SORCS1: variants seen among roughly 807,000 people sequenced by gnomAD.
SORCS1 encodes the protein sortilin related VPS10 domain containing receptor 1.
In SORCS1, 60 loss-of-function variants were observed where a neutral mutation model predicts 146.1. The observed-to-expected ratio is 0.41, with a 90% CI of 0.33 to 0.51. SORCS1 has a LOEUF of 0.51. Ranked by LOEUF, SORCS1 falls within the 20% of genes least tolerant of loss-of-function variation. SORCS1 has a pLI of 0.21. For synonymous variants in SORCS1, 637 were observed against 584.0 expected (o/e 1.09, Z -1.31); for missense variants, 1,352 against 1,487.6 (o/e 0.91, Z 1.50).
chr10:106,655,639 A>T (rs1443073091), intron 17 of SORCS1, among the ~76,000 whole-genome samples: 1 of 152,192 alleles, frequency 6.6e-6, no homozygotes. Flanking sequence ...CCCCGGGACT[A>T]TGCCACAGAA....
rs775958828 is a variant in SORCS1, at chr10:106,579,174, G to A, written c.3371+195C>T. Reference sequence around the variant, plus strand: ...CTGAGGGACATTGGGCCTGCTTTCAGAGTGACTGACTGGACTGATCATCTC... The same window carrying A: ...CTGAGGGACATTGGGCCTGCTTTCAAAGTGACTGACTGGACTGATCATCTC... On this transcript the variant is annotated intron_variant, in intron 25 of 25. Transcript: ENST00000263054. The A allele has an allele frequency of 3.1e-6, 5 of 1,613,996 alleles. No individual in the cohort carries two copies. The East Asian group carries it at 1.1e-4, about 36-fold the overall frequency.
intron 2 of SORCS1, among the ~76,000 whole-genome samples, chr10:106,940,283 A>G (rs1465103098): frequency 1.3e-5 from 2 of 152,358 alleles, no homozygotes; most frequent in Admixed American, 6.5e-5. Flanking sequence ...ATATGAATTA[A>G]ACCCACAGAT....
intron 22 of SORCS1, 29 bp downstream of exon 22, chr10:106,611,882 G>A (rs761411466): frequency 1.6e-5 from 24 of 1,522,876 alleles, no homozygotes; most frequent in Admixed American, 1.3e-4. Flanking sequence ...AAAGGTACCC[G>A]GGCAAGAGAA....
At chr10:106,604,013 G>A (rs943763441) in intron 23 of SORCS1, among the ~76,000 whole-genome samples, 3 of 152,108 alleles carry the variant, frequency 2.0e-5, no homozygotes, top group Admixed American at 6.6e-5. Context: ...TGCAACTCTC[G>A]CTGGTGCAAT....
At chr10:106,631,306 A>G (rs1474565159) in intron 18 of SORCS1, among the ~76,000 whole-genome samples, 1 of 152,236 alleles carries the variant, frequency 6.6e-6, no homozygotes, top group African/African-American at 2.4e-5. Context: ...CAAAGCCCAG[A>G]CATTGTGCAC....
At chr10:106,924,379 G>T (rs1049861637) in intron 2 of SORCS1, among the ~76,000 whole-genome samples, 8 of 152,046 alleles carry the variant, frequency 5.3e-5, no homozygotes, top group Admixed American at 2.6e-4. Flanking sequence ...TTAGATAAAT[G>T]ATATGGTAAA....
chr10:107,087,515 A>C (rs2134282191), intron 1 of SORCS1, among the ~76,000 whole-genome samples: 1 of 152,352 alleles, frequency 6.6e-6, no homozygotes, highest in South Asian at 2.1e-4. Flanking sequence ...ATAGTCACTA[A>C]CTTCTCTCTA....
intron 2 of SORCS1, among the ~76,000 whole-genome samples, chr10:106,953,022 A>G (rs1232197534): frequency 6.6e-6 from 1 of 152,060 alleles, no homozygotes; most frequent in Non-Finnish European, 1.5e-5. Flanking sequence ...ATAATTTAAA[A>G]TAAATAAAAT....
chr10:106,880,219 TA>T (rs973901987), intron 2 of SORCS1, among the ~76,000 whole-genome samples: 5 of 152,198 alleles, frequency 3.3e-5, no homozygotes, highest in African/African-American at 9.6e-5. Context: ...ACTTGTTGAA[TA>T]AGCATGCTCT....
At chr10:106,690,181 C>T (rs918853634) in intron 9 of SORCS1, among the ~76,000 whole-genome samples, 6 of 152,214 alleles carry the variant, frequency 3.9e-5, no homozygotes, top group African/African-American at 1.4e-4. Context: ...GCAAGGGCTT[C>T]CCACCAGGGA....
the SORCS1 span, among the ~76,000 whole-genome samples, chr10:107,180,919 C>T: frequency 6.6e-6 from 1 of 152,198 alleles, no homozygotes; most frequent in Non-Finnish European, 1.5e-5. Flanking sequence ...CAAAACTATA[C>T]AGCATGCTAC....
chr10:106,607,119 C>A (rs1589457261), intron 23 of SORCS1, 47 bp downstream of exon 23: 4 of 1,603,974 alleles, frequency 2.5e-6, no homozygotes, highest in Non-Finnish European at 3.4e-6. Context: ...GTTGAAGACT[C>A]CACAAACGGT....
chr10:107,000,391 A>T lies in SORCS1; in HGVS notation c.559-43811T>A, dbSNP rs576459782. On this transcript the variant is annotated intron_variant, in intron 1 of 25. Coordinates refer to ENST00000263054, the MANE Select transcript of SORCS1 (RefSeq NM_052918.5). ...GAGGCGTGTGCATCATGAGGTCAGG[A>T]GATCGAGATCATCCTGGCCAGCATG... 8.5e-5 allele frequency among the ~76,000 whole-genome samples: 13 copies of T among 152,052 alleles called. No individual in the cohort carries two copies. In the South Asian group the frequency reaches 2.5e-3, roughly 29 times the overall value.
rs754583351 is a variant in SORCS1 at position 106,709,320 on chromosome 10, C to A, written c.1046G>T (p.Arg349Leu). The change falls in exon 7 of 26, where the codon CGA becomes CTA. Residue 349 changes from arginine (R) to leucine (L), a missense_variant. Transcript: ENST00000263054. ...GTTGGCCTCTGTACAGTTCTGCATT[C>A]GGCAAGTTAGATAATGTGAATCTGA... Reference protein sequence around the residue: ...VDGHSHYLTCRMQNCTEANRN... With the variant: ...VDGHSHYLTCLMQNCTEANRN... 2 of 1,612,772 alleles carry A rather than the reference C, an allele frequency of 1.2e-6. No individual in the cohort carries two copies. The highest frequency in any genetic ancestry group is 1.7e-6 in the Non-Finnish European group (2 of 1,179,360).
At chr10:106,816,043 T>A (rs1227006819) in intron 3 of SORCS1, among the ~76,000 whole-genome samples, 1 of 152,210 alleles carries the variant, frequency 6.6e-6, no homozygotes, top group Non-Finnish European at 1.5e-5. Context: ...GGCCACTGTG[T>A]TTGTATTATG....
intron 2 of SORCS1, among the ~76,000 whole-genome samples, chr10:106,918,573 G>C (rs1952556540): frequency 6.6e-6 from 1 of 152,068 alleles, no homozygotes; most frequent in South Asian, 2.1e-4. Flanking sequence ...GGGGAGACAG[G>C]GAGACAGGGA....
At position 106,688,320 on chromosome 10, in the gene SORCS1, T is replaced by C; in HGVS notation, c.1432A>G (p.Met478Val). The C allele has an allele frequency of 6.2e-7, 1 of 1,613,686 alleles. No individual in the cohort carries two copies. The highest frequency in any genetic ancestry group is 8.5e-7 in the Non-Finnish European group (1 of 1,179,778). ...DLYEVAGIKG[M>V]FLANKKIDNQ... is the part of the protein sequence containing the mutation. Reference sequence around the variant, plus strand: ...TCAATCTTCTTGTTAGCCAAGAACATTCCCTTTATCCCTGCTACCTGGGAA... The same window carrying C: ...TCAATCTTCTTGTTAGCCAAGAACACTCCCTTTATCCCTGCTACCTGGGAA... The change falls in exon 10 of 26, where the codon ATG becomes GTG. Residue 478 changes from methionine to valine, a missense_variant. Transcript: ENST00000263054.
intron 1 of SORCS1, among the ~76,000 whole-genome samples, chr10:106,994,461 T>A (rs1366673683): frequency 6.6e-6 from 1 of 152,172 alleles, no homozygotes; most frequent in Admixed American, 6.5e-5. Flanking sequence ...CAAATAAGGA[T>A]GGCATAGACA....
intron 2 of SORCS1, among the ~76,000 whole-genome samples, chr10:106,910,314 T>TGTGAGA (rs753133203): frequency 7.9e-6 from 1 of 126,714 alleles, no homozygotes; most frequent in Admixed American, 7.5e-5. Context: ...TGTGTGTGTG[T>TGTGAGA]GAGACAGTAT....
Sources: allele counts gnomAD v4.1 joint callset (sites outside exome capture counted in the v4.1 genomes callset), GRCh38; gene constraint gnomAD v4.1.1; transcripts MANE v1.5; gene names NCBI Gene and HGNC (gene_info 2026-07-23, HGNC 2026-07-21).